The following SNAP91 variants were observed in gnomAD, a reference collection of about 807,000 sequenced individuals.
SNAP91 encodes synaptosome associated protein 91, also known as clathrin coat assembly protein AP180.
In SNAP91, 27 loss-of-function variants were observed where a neutral mutation model predicts 100.3. The ratio of observed to expected loss-of-function variants is 0.27; its 90% CI spans 0.20 to 0.37. The LOEUF is 0.37. Ranked by LOEUF, SNAP91 falls within the 10% of genes least tolerant of loss-of-function variation. The pLI, the probability that SNAP91 is intolerant of heterozygous loss-of-function variation, is 1.00. For missense variants in SNAP91, 986 were observed against 1,123.7 expected (o/e 0.88, Z 1.75); for synonymous variants, 404 against 398.6 (o/e 1.01, Z -0.16).
intron 2 of SNAP91, chr6:83,678,747 T>C: frequency 7.8e-7 from 1 of 1,289,592 alleles, no homozygotes; most frequent in Non-Finnish European, 1.0e-6. Flanking sequence ...CCCAGCATTA[T>C]CCCACCTCTT....
intron 8 of SNAP91, among the ~76,000 whole-genome samples, chr6:83,637,588 G>C (rs1258373770): frequency 2.0e-5 from 3 of 152,194 alleles, no homozygotes; most frequent in African/African-American, 7.2e-5. Flanking sequence ...GGCTAGACTT[G>C]TTCCAAGCCT....
At chr6:83,656,520 G>A (rs2098409072) in intron 7 of SNAP91, among the ~76,000 whole-genome samples, 1 of 152,070 alleles carries the variant, frequency 6.6e-6, no homozygotes, top group South Asian at 2.1e-4. Context: ...CCTTTTACTA[G>A]GGGTGGTTAG....
chr6:83,570,752 T>C (rs1805845077), intron 26 of SNAP91, among the ~76,000 whole-genome samples: 1 of 152,170 alleles, frequency 6.6e-6, no homozygotes, highest in Admixed American at 6.5e-5. Flanking sequence ...AAGCTAAGAA[T>C]TGAGGTTTGG....
intron 7 of SNAP91, among the ~76,000 whole-genome samples, chr6:83,644,169 C>T (rs911200844): frequency 6.6e-6 from 1 of 152,116 alleles, no homozygotes; most frequent in Non-Finnish European, 1.5e-5. Flanking sequence ...CTGAATATCT[C>T]AATTTCCTTT....
chr6:83,626,208 AC>A (rs1419070785), intron 8 of SNAP91, among the ~76,000 whole-genome samples: 3 of 151,786 alleles, frequency 2.0e-5, no homozygotes, highest in Admixed American at 2.0e-4. Context: ...ATTCTGTTCC[AC>A]TGTTCTATGT....
rs889455888 is a variant in SNAP91, at chr6:83,708,042, C to A, written c.-30-85G>T. On this transcript the variant is annotated intron_variant, in intron 1 of 29. Transcript: ENST00000369694. ...CCAGGCCTTGCCTCCTCCAGCCGCGCGGCGGCTCTCTCCTCCTCCATCCCC... is the reference window on the plus strand; with the variant it reads ...CCAGGCCTTGCCTCCTCCAGCCGCGAGGCGGCTCTCTCCTCCTCCATCCCC... 1.1e-5 allele frequency: 14 copies of A among 1,254,704 alleles called. No individual in the cohort carries two copies. In the South Asian group the frequency reaches 2.4e-4, roughly 21 times the overall value. The allele number at this position is 1,254,704 out of a possible 1,614,324, so 77.7% of individuals were successfully genotyped here. A position where few individuals can be genotyped will look rare whatever the true frequency, so the allele number is the denominator to read the frequency against.
intron 16 of SNAP91, among the ~76,000 whole-genome samples, chr6:83,595,608 C>T (rs764551415): frequency 1.3e-5 from 2 of 152,058 alleles, no homozygotes; most frequent in Non-Finnish European, 2.9e-5. Context: ...GAGTGGAGAC[C>T]AGCACCCACC....
intron 16 of SNAP91, among the ~76,000 whole-genome samples, chr6:83,600,066 G>C (rs1242467002): frequency 3.3e-5 from 5 of 152,166 alleles, no homozygotes; most frequent in Non-Finnish European, 7.3e-5. Context: ...TTACAGATGT[G>C]AGCCACTGCG....
intron 22 of SNAP91, among the ~76,000 whole-genome samples, chr6:83,585,530 TAAA>T (rs762315224): frequency 2.0e-5 from 1 of 49,776 alleles, no homozygotes. Flanking sequence ...CCTTGTTGCT[TAAA>T]AAAAAAAAAA....
At chr6:83,680,852 G>T (rs916742779) in intron 2 of SNAP91, among the ~76,000 whole-genome samples, 4 of 152,074 alleles carry the variant, frequency 2.6e-5, no homozygotes, top group African/African-American at 9.7e-5. Flanking sequence ...AGAACTGTTT[G>T]CCTACAGTAA....
rs1029517187 is a variant in SNAP91, at chr6:83,593,754, A to G, written c.1433-13T>C. 1.3e-6 allele frequency: 2 copies of G among 1,546,972 alleles called. No individual in the cohort carries two copies. The highest frequency in any genetic ancestry group is 2.5e-5 in the South Asian group (2 of 81,016). On this transcript the variant is annotated splice_polypyrimidine_tract_variant and intron_variant, in intron 17 of 29. Coordinates refer to ENST00000369694, the MANE Select transcript of SNAP91 (RefSeq NM_001242792.2). ...GGGGCAAAGGGGTCTTTTGGAAAGG[A>G]AAGTGGAGACACACACAGCATCAGT...
chr6:83,656,722 C>A, intron 7 of SNAP91, 32 bp downstream of exon 7: 1 of 990,214 alleles, frequency 1.0e-6, no homozygotes, highest in Non-Finnish European at 1.6e-6. Context: ...TGTATCCCAT[C>A]AGCCCAGACA....
chr6:83,644,388 G>A (rs2128582666), intron 7 of SNAP91, among the ~76,000 whole-genome samples: 1 of 152,218 alleles, frequency 6.6e-6, no homozygotes, highest in African/African-American at 2.4e-5. Flanking sequence ...CACAGGCACA[G>A]CTAATGAGAC....
rs1282814394 is a variant in SNAP91 at position 83,556,385 on chromosome 6, GAGAGAGAGAGAA to G, written c.2632-152_2632-141del. 1.3e-4 allele frequency: 65 copies of G among 501,896 alleles called. 4 individuals carry two copies. Among genetic ancestry groups the G allele is most frequent in the Admixed American group, 6.6e-4 (21 of 31,876 alleles). The allele number at this position is 501,896 out of a possible 1,614,324, so 31.1% of individuals were successfully genotyped here. On this transcript the variant is annotated intron_variant, in intron 28 of 29. Transcript: ENST00000369694. ...AGAGAGAGAGAGAGAGAGAGAGAGA[GAGAGAGAGAGAA>G]AAGCATTAGGCAGAACACATATCAA... is the stretch of plus-strand genomic sequence containing the variant.
At chr6:83,611,857 C>T (rs11966785) in intron 11 of SNAP91, among the ~76,000 whole-genome samples, 7,898 of 141,264 alleles carry the variant, frequency 0.056, 771 homozygotes, top group African/African-American at 0.2. Context: ...CCACCACGCC[C>T]GGCTAATTTT....
At chr6:83,575,956 G>C in intron 25 of SNAP91, 67 bp downstream of exon 25, 1 of 817,034 alleles carries the variant, frequency 1.2e-6, no homozygotes, top group Non-Finnish European at 1.9e-6. Flanking sequence ...TGAGTAAAAT[G>C]GTTGATAGTC....
At chr6:83,586,949 G>A (rs1268008052) in intron 22 of SNAP91, among the ~76,000 whole-genome samples, 1 of 151,834 alleles carries the variant, frequency 6.6e-6, no homozygotes, top group Non-Finnish European at 1.5e-5. Flanking sequence ...TTTACTCAAG[G>A]GGTAGAAGAC....
chr6:83,587,353 T>C (rs1222307663), intron 22 of SNAP91, among the ~76,000 whole-genome samples: 1 of 152,178 alleles, frequency 6.6e-6, no homozygotes, highest in Admixed American at 6.5e-5. Context: ...TGTCTGCATA[T>C]TATTTTTCTT....
chr6:83,648,741 T>C (rs1171689799), intron 7 of SNAP91, among the ~76,000 whole-genome samples: 4 of 143,952 alleles, frequency 2.8e-5, no homozygotes, highest in Non-Finnish European at 6.3e-5. Flanking sequence ...TATATGCTTA[T>C]TAGCCATTTT....
Sources: allele counts gnomAD v4.1 joint callset (sites outside exome capture counted in the v4.1 genomes callset), GRCh38; gene constraint gnomAD v4.1.1; transcripts MANE v1.5; gene names NCBI Gene and HGNC (gene_info 2026-07-23, HGNC 2026-07-21).